The following COPS7A variants were observed in gnomAD, a reference collection of about 807,000 sequenced individuals.
COPS7A encodes COP9 signalosome subunit 7A.
In COPS7A, 20 loss-of-function variants were observed where a neutral mutation model predicts 35.2. The ratio of observed to expected loss-of-function variants is 0.57; its 90% CI spans 0.40 to 0.83. The LOEUF (loss-of-function observed/expected upper bound fraction) is 0.83, where lower values mean the gene tolerates loss of function less well. Among genes scored for constraint, COPS7A ranks in the 40% least tolerant of loss-of-function variants. The pLI is 0.00. For synonymous variants in COPS7A, 139 were observed against 141.4 expected (o/e 0.98, Z 0.12); for missense variants, 247 against 347.5 (o/e 0.71, Z 2.30).
intron 4 of COPS7A, 160 bp downstream of exon 4, chr12:6,728,471 T>A: frequency 1.9e-6 from 1 of 524,848 alleles, no homozygotes; most frequent in Non-Finnish European, 3.4e-6. Flanking sequence ...AGGCTGATAG[T>A]ATTCTTAGTT....
rs1941298806 is a variant in COPS7A, at chr12:6,727,950, A to G, written c.187A>G (p.Thr63Ala). The G allele has an allele frequency of 1.2e-6, 2 of 1,613,954 alleles. No homozygotes were observed. Among genetic ancestry groups the G allele is most frequent in the South Asian group, 1.1e-5 (1 of 91,084 alleles). Residue 63 changes from threonine to alanine, a missense_variant, in exon 3 of 8, where the codon ACC (threonine) becomes GCC (alanine). Physicochemically the swap from Thr to Ala is moderately conservative, Grantham distance 58. Coordinates refer to ENST00000543155, the MANE Select transcript of COPS7A (RefSeq NM_001164094.2). Reference sequence around the variant, plus strand: ...GCTGGCTGAGAGTGACTTTGCCTCTACCTTCCGGCTGCTCACAGTGTTTGC... The same window carrying G: ...GCTGGCTGAGAGTGACTTTGCCTCTGCCTTCCGGCTGCTCACAGTGTTTGC... The part of the protein sequence containing the change: ...RELAESDFAS[T>A]FRLLTVFAYG...
chr12:6,729,517 G>A lies in COPS7A; in HGVS notation c.530+68G>A. 6 of 1,516,108 alleles carry A rather than the reference G, an allele frequency of 4.0e-6. No individual in the cohort carries two copies. Among genetic ancestry groups the A allele is most frequent in the Non-Finnish European group, 5.4e-6 (6 of 1,117,172 alleles). The allele number at this position is 1,516,108 out of a possible 1,614,324, so 93.9% of individuals were successfully genotyped here. A position where few individuals can be genotyped will look rare whatever the true frequency, so the allele number is the denominator to read the frequency against. On this transcript the variant is annotated intron_variant, in intron 5 of 7. Coordinates refer to ENST00000543155, the MANE Select transcript of COPS7A (RefSeq NM_001164094.2). The surrounding 1 kb of genome is among the most constrained non-coding windows in gnomAD (Gnocchi z 4.2). ...AAGAGAAAGGCGCTTCAGGGTGAGA[G>A]AGGGCAGGAGCTGGGCTGGTCCGCA... is the stretch of plus-strand genomic sequence containing the variant.
chr12:6,725,574 G>A (rs1460465893), intron 2 of COPS7A: 8 of 454,136 alleles, frequency 1.8e-5, no homozygotes, highest in Non-Finnish European at 3.1e-5. Context: ...AAATTAGCAT[G>A]CCCTTTTCTT....
At chr12:6,725,076 G>A (rs904093183) in intron 2 of COPS7A, among the ~76,000 whole-genome samples, 1 of 152,030 alleles carries the variant, frequency 6.6e-6, no homozygotes, top group Non-Finnish European at 1.5e-5. Context: ...CTGATTTCCA[G>A]CCGGTCTCCA....
chr12:6,727,989 G>T lies in COPS7A; in HGVS notation c.226G>T (p.Ala76Ser). 1 of 1,614,068 alleles carries T rather than the reference G, an allele frequency of 6.2e-7. No individual in the cohort carries two copies. Among genetic ancestry groups the T allele is most frequent in the Non-Finnish European group, 8.5e-7 (1 of 1,179,972 alleles). ...LLTVFAYGTY[A>S]DYLAEARNLP... is the part of the protein sequence containing the mutation. The stretch of plus-strand genomic sequence containing the variant: ...CACAGTGTTTGCTTATGGGACATAC[G>T]CTGACTACTTAGGTAACCAGAGGGG... The change falls in exon 3 of 8, where the codon GCT (alanine) becomes TCT (serine). Residue 76 changes from alanine (A) to serine (S), a missense_variant. Coordinates refer to ENST00000543155, the MANE Select transcript of COPS7A (RefSeq NM_001164094.2).
In COPS7A at chr12:6,727,930, C is replaced by T; in HGVS notation, c.167C>T (p.Ala56Val). Residue 56 changes from alanine (A) to valine (V), a missense_variant, in exon 3 of 8, where the codon GCT becomes GTT. Transcript: ENST00000543155. ...CCTTTTTCCTCATTCTCGCAGCTGG[C>T]TGAGAGTGACTTTGCCTCTACCTTC... ...LLDMPNVREL[A>V]ESDFASTFRL... 1 of 1,614,136 alleles carries T rather than the reference C, an allele frequency of 6.2e-7. No homozygotes were observed. Among genetic ancestry groups the T allele is most frequent in the Non-Finnish European group, 8.5e-7 (1 of 1,180,008 alleles).
Position 6,730,720 on chromosome 12 carries a change from G to A in COPS7A, c.688G>A (p.Ala230Thr). ...AGTTACGACGGCAGCAGCAGCCGCA[G>A]CCACATCTCAGGACCCTGAGCAACA... Reference protein sequence around the residue: ...IKVTTAAAAAATSQDPEQHLT... With the variant: ...IKVTTAAAAATTSQDPEQHLT... The change falls in exon 7 of 8, where the codon GCC (alanine) becomes ACC (threonine). Residue 230 changes from alanine (A) to threonine (T), a missense_variant. Transcript: ENST00000543155. 1 of 1,614,194 alleles carries A rather than the reference G, an allele frequency of 6.2e-7. No homozygotes were observed. The highest frequency in any genetic ancestry group is 8.5e-7 in the Non-Finnish European group (1 of 1,180,026).
At chr12:6,725,589 A>G (rs1941233005) in intron 2 of COPS7A, 1 of 455,720 alleles carries the variant, frequency 2.2e-6, no homozygotes, top group Non-Finnish European at 4.4e-6. Context: ...TTTCTTCCCT[A>G]TGTGCAGCAT....
At chr12:6,727,587 T>C (rs1941288533) in intron 2 of COPS7A, 1 of 471,350 alleles carries the variant, frequency 2.1e-6, no homozygotes, top group Admixed American at 2.4e-5. Flanking sequence ...TCAAACACTC[T>C]GAGGGCAGGC....
intron 2 of COPS7A, 114 bp downstream of exon 2, chr12:6,724,932 C>CA (rs1800449862): frequency 8.6e-7 from 1 of 1,161,146 alleles, no homozygotes; most frequent in Non-Finnish European, 1.2e-6. Flanking sequence ...AACAAGAAAA[C>CA]AGTGATAATT....
At chr12:6,728,087 C>G in intron 3 of COPS7A, 86 bp downstream of exon 3, 1 of 1,488,536 alleles carries the variant, frequency 6.7e-7, no homozygotes, top group Non-Finnish European at 9.4e-7. Flanking sequence ...CCTGGGATAT[C>G]CCACTTAGAT....
rs574248621 is a variant in COPS7A at position 6,730,396 on chromosome 12, C to T, written c.531-6C>T. 1.9e-6 allele frequency: 3 copies of T among 1,613,784 alleles called. No individual in the cohort carries two copies. In the African/African-American group the frequency reaches 4.0e-5, roughly 22 times the overall value. On this transcript the variant is annotated splice_region_variant and splice_polypyrimidine_tract_variant and intron_variant, in intron 5 of 7. Transcript: ENST00000543155. Reference sequence around the variant, plus strand: ...TGCTGACACTTCTCTCCCCTGACTCCTGCAGGTGTGTGGGCTGTGAGGTCG... The same window carrying T: ...TGCTGACACTTCTCTCCCCTGACTCTTGCAGGTGTGTGGGCTGTGAGGTCG...
At position 6,731,283 on chromosome 12, in the gene COPS7A, T is replaced by C. The variant is rs530125132; in HGVS notation, c.*244T>C. ...GTTCCATTGCTCCCCGCTGCCATGC[T>C]CTCTCCCTTGTTTCCTTAAGAGCTC... On this transcript the variant is annotated 3_prime_UTR_variant, in exon 8 of 8. Transcript: ENST00000543155. The C allele has an allele frequency of 2.8e-6, 4 of 1,437,168 alleles. No homozygotes were observed. Among genetic ancestry groups the C allele is most frequent in the Admixed American group, 2.7e-5 (1 of 36,706 alleles). The allele number at this position is 1,437,168 out of a possible 1,614,324, so 89.0% of individuals were successfully genotyped here. A position where few individuals can be genotyped will look rare whatever the true frequency, so the allele number is the denominator to read the frequency against.
intron 2 of COPS7A, among the ~76,000 whole-genome samples, chr12:6,725,490 C>T (rs1262373633): frequency 2.6e-5 from 4 of 152,064 alleles, no homozygotes; most frequent in African/African-American, 9.7e-5. Flanking sequence ...ACAATACTGC[C>T]CCTCTCTGTT....
intron 5 of COPS7A, 110 bp from the exon 6 acceptor site, chr12:6,730,292 T>C (rs1378365976): frequency 2.1e-6 from 2 of 966,078 alleles, no homozygotes; most frequent in African/African-American, 1.6e-5. Flanking sequence ...GCAGGGATTA[T>C]GGGGGTGAGC....
intron 2 of COPS7A, 152 bp from the exon 3 acceptor site, chr12:6,727,774 G>T (rs1214458971): frequency 2.8e-6 from 2 of 725,602 alleles, no homozygotes; most frequent in Non-Finnish European, 5.0e-6. Flanking sequence ...TGTGAAGAGT[G>T]ATCAGAGAGG....
At position 6,727,091 on chromosome 12, in the gene COPS7A, C is replaced by G. The variant is rs373491508; in HGVS notation, c.163-835C>G. Among the ~76,000 whole-genome samples the G allele has an allele frequency of 2.6e-5, 4 of 152,280 alleles. No individual in the cohort carries two copies. In the East Asian group the frequency reaches 5.8e-4, roughly 22 times the overall value. On this transcript the variant is annotated intron_variant, in intron 2 of 7. Coordinates refer to ENST00000543155, the MANE Select transcript of COPS7A (RefSeq NM_001164094.2). ...GTGGCTCACGCCTATAATCCCAGCA[C>G]TTTGGGAGGCCAAGGCAGGTGGATC...
chr12:6,726,720 C>G (rs1053474821), intron 2 of COPS7A, among the ~76,000 whole-genome samples: 11 of 149,602 alleles, frequency 7.4e-5, no homozygotes, highest in Non-Finnish European at 1.6e-4. Context: ...GAGGTCGCGC[C>G]ACTGCACTCC....
rs1218748268 is a variant in COPS7A at position 6,731,819 on chromosome 12, T to C, written c.*780T>C. ...AAAAAGGTATATATGCATATATCTA[T>C]ATATAATATGACGCAGAAATAAATC... On this transcript the variant is annotated 3_prime_UTR_variant, in exon 8 of 8. Transcript: ENST00000543155. 1.3e-5 allele frequency: 2 copies of C among 152,522 alleles called. No homozygotes were observed. Among genetic ancestry groups the C allele is most frequent in the African/African-American group, 4.8e-5 (2 of 41,418 alleles). 9.4% of individuals were successfully genotyped at this position (152,522 alleles called of 1,614,324 possible).
Sources: allele counts gnomAD v4.1 joint callset (sites outside exome capture counted in the v4.1 genomes callset), GRCh38; gene constraint gnomAD v4.1.1; non-coding constraint Gnocchi (gnomAD v3.1); transcripts MANE v1.5; gene names NCBI Gene and HGNC (gene_info 2026-07-23, HGNC 2026-07-21).